Variants in RGS22 observed in about 807,000 individuals in gnomAD.
RGS22 encodes the protein regulator of G-protein signaling 22.
In RGS22, 148 loss-of-function variants were observed where a neutral mutation model predicts 172.9. That is an observed-to-expected ratio of 0.86 (90% CI 0.75 to 0.98). The LOEUF is 0.98. RGS22 is among the 50% of genes least tolerant of loss of function. The probability of loss-of-function intolerance (pLI) is 0.00; values close to 1 mark genes in which losing one functional copy is unlikely to be tolerated. For missense variants in RGS22, 1,347 were observed against 1,440.8 expected (o/e 0.93, Z 1.05); for synonymous variants, 458 against 480.2 (o/e 0.95, Z 0.60).
chr8:99,995,620 G>A (rs1038345789), intron 20 of RGS22, among the ~76,000 whole-genome samples: 6 of 152,210 alleles, frequency 3.9e-5, no homozygotes, highest in Non-Finnish European at 7.3e-5. Context: ...AACAGATGCT[G>A]GAGAGGATGT....
At chr8:100,069,580 T>G (rs1440168954) in intron 6 of RGS22, among the ~76,000 whole-genome samples, 4 of 152,156 alleles carry the variant, frequency 2.6e-5, no homozygotes, top group Admixed American at 1.3e-4. Context: ...ATAACACATT[T>G]TACTACTAAG....
At chr8:100,077,911 A>G (rs1345003489) in intron 4 of RGS22, among the ~76,000 whole-genome samples, 1 of 152,112 alleles carries the variant, frequency 6.6e-6, no homozygotes, top group Non-Finnish European at 1.5e-5. Flanking sequence ...TGTTCGGTGC[A>G]TATATGAGTT....
intron 22 of RGS22, among the ~76,000 whole-genome samples, chr8:99,979,320 A>C (rs1812301581): frequency 1.3e-5 from 2 of 152,160 alleles, no homozygotes; most frequent in African/African-American, 4.8e-5. Context: ...TCTAAGTAAA[A>C]GTCACCCAAT....
intron 24 of RGS22, among the ~76,000 whole-genome samples, chr8:99,964,476 T>TAA (rs1810520743): frequency 1.2e-5 from 1 of 86,278 alleles, no homozygotes; most frequent in South Asian, 3.8e-4. Context: ...AGACCCTGTC[T>TAA]CAAAAAAAAA....
At chr8:99,976,206 A>G (rs541050926) in intron 23 of RGS22, among the ~76,000 whole-genome samples, 1 of 152,160 alleles carries the variant, frequency 6.6e-6, no homozygotes, top group Non-Finnish European at 1.5e-5. Flanking sequence ...TAAAATAAAA[A>G]AAATAAAAAT....
At chr8:100,058,865 C>T (rs1468489752) in intron 9 of RGS22, among the ~76,000 whole-genome samples, 1 of 152,098 alleles carries the variant, frequency 6.6e-6, no homozygotes, top group Non-Finnish European at 1.5e-5. Flanking sequence ...TATTATAACA[C>T]TGTAATAGTG....
At chr8:100,001,219 T>TATATATATATATATATATATACAC (rs1402594104) in intron 18 of RGS22, among the ~76,000 whole-genome samples, 2 of 132,966 alleles carry the variant, frequency 1.5e-5, no homozygotes, top group African/African-American at 5.7e-5. Context: ...TATATATATA[T>TATATATATATATATATATATACAC]ACATATATAT....
chr8:100,029,517 C>T (rs1227771512), intron 14 of RGS22, among the ~76,000 whole-genome samples: 1 of 151,942 alleles, frequency 6.6e-6, no homozygotes, highest in Non-Finnish European at 1.5e-5. Flanking sequence ...GCCTGACCAG[C>T]ATGGTGAAAC....
At chr8:100,036,157 TAA>T (rs571539138) in intron 14 of RGS22, among the ~76,000 whole-genome samples, 2 of 143,362 alleles carry the variant, frequency 1.4e-5, no homozygotes, top group East Asian at 4.0e-4. Context: ...ATCTCCAAAT[TAA>T]AAAAAAAAAA....
intron 14 of RGS22, among the ~76,000 whole-genome samples, chr8:100,031,872 T>C (rs1487594369): frequency 5.3e-5 from 8 of 152,108 alleles, no homozygotes; most frequent in Non-Finnish European, 1.2e-4. Flanking sequence ...TCAACGTTCT[T>C]AAGGAAAAGA....
intron 13 of RGS22, among the ~76,000 whole-genome samples, chr8:100,039,585 G>A (rs182593434): frequency 4.6e-5 from 7 of 151,560 alleles, no homozygotes; most frequent in East Asian, 1.9e-4. Flanking sequence ...CATGTTGGCC[G>A]GGCTGGTCTC....
intron 4 of RGS22, among the ~76,000 whole-genome samples, chr8:100,079,421 T>C (rs762214803): frequency 2.0e-5 from 3 of 152,054 alleles, no homozygotes; most frequent in Admixed American, 6.6e-5. Context: ...AACAGAAGAA[T>C]TGAAGAACTT....
intron 4 of RGS22, among the ~76,000 whole-genome samples, chr8:100,077,013 T>G (rs1811404136): frequency 6.6e-6 from 1 of 151,928 alleles, no homozygotes; most frequent in Non-Finnish European, 1.5e-5. Context: ...AAAAAAAAAG[T>G]CTATTTCATT....
chr8:99,996,396 G>A (rs2131300544), intron 20 of RGS22, 66 bp downstream of exon 20: 2 of 1,361,536 alleles, frequency 1.5e-6, no homozygotes, highest in Non-Finnish European at 2.1e-6. Context: ...ACAAGAAAGG[G>A]AAAGAAAAAC....
Position 100,026,243 on chromosome 8 carries a change from C to T in RGS22, c.2166+12688G>A, listed in dbSNP as rs142868342. ...AACCCAGTATGAACATCATTTGGAT[C>T]TACACTGTGTCTCAGATCACCTAAT... On this transcript the variant is annotated intron_variant, in intron 14 of 27. Transcript: ENST00000360863. Among the ~76,000 whole-genome samples, 35 of 152,314 alleles carry T rather than the reference C, an allele frequency of 2.3e-4. No individual in the cohort carries two copies. In the East Asian group the frequency reaches 3.9e-3, roughly 17 times the overall value.
chr8:99,984,710 A>G (rs998994789), intron 21 of RGS22, among the ~76,000 whole-genome samples: 7 of 151,990 alleles, frequency 4.6e-5, no homozygotes, highest in Non-Finnish European at 7.4e-5. Flanking sequence ...TCACAGTTGT[A>G]TCCTCAGGAT....
intron 4 of RGS22, 37 bp from the exon 5 acceptor site, chr8:100,072,267 A>G (rs1389177680): frequency 7.4e-7 from 1 of 1,355,856 alleles, no homozygotes; most frequent in Non-Finnish European, 1.0e-6. Flanking sequence ...AGAAGGTCAG[A>G]GAAAATCACT....
At chr8:100,015,591 C>A (rs766092395) in intron 14 of RGS22, among the ~76,000 whole-genome samples, 1 of 152,142 alleles carries the variant, frequency 6.6e-6, no homozygotes, top group African/African-American at 2.4e-5. Flanking sequence ...CCATGCCTGG[C>A]CTCCAGTTTT....
rs1486762463 is a variant in RGS22 at position 99,978,062 on chromosome 8, C to T, written c.3374G>A (p.Gly1125Glu). The stretch of plus-strand genomic sequence containing the variant: ...CTGAGGCCAGAATTTAAACAGAACC[C>T]CAAAAATTGTCATCTGTATAAAAAA... ...VFREAQMTIF[G>E]VLFKFWPQFC... is the part of the protein sequence containing the mutation. The change falls in exon 23 of 28, where the codon GGG (glycine) becomes GAG (glutamate). Residue 1125 changes from glycine (G) to glutamate (E), a missense_variant. By Grantham distance (98) the Gly-to-Glu change is moderately conservative. Transcript: ENST00000360863. 6.6e-7 allele frequency: 1 copy of T among 1,509,254 alleles called. No individual in the cohort carries two copies. Among genetic ancestry groups the T allele is most frequent in the Non-Finnish European group, 8.8e-7 (1 of 1,139,674 alleles). 93.5% of individuals were successfully genotyped at this position (1,509,254 alleles called of 1,614,324 possible). A position where few individuals can be genotyped will look rare whatever the true frequency, so the allele number is the denominator to read the frequency against.
Sources: allele counts gnomAD v4.1 joint callset (sites outside exome capture counted in the v4.1 genomes callset), GRCh38; gene constraint gnomAD v4.1.1; transcripts MANE v1.5; gene names NCBI Gene and HGNC (gene_info 2026-07-23, HGNC 2026-07-21).